Variants in PTGDR observed in about 807,000 individuals in gnomAD.
The protein encoded by PTGDR is prostaglandin D2 receptor.
A neutral mutation model predicts 17.4 loss-of-function variants in PTGDR; 19 were observed. The observed-to-expected ratio is 1.09, with a 90% confidence interval of 0.76 to 1.60. The LOEUF is 1.60. Among genes scored for constraint, PTGDR ranks in the 40% most tolerant of loss-of-function variants. The pLI is 0.00. For missense variants in PTGDR, 526 were observed against 481.9 expected (o/e 1.09, Z -0.86); for synonymous variants, 267 against 224.2 (o/e 1.19, Z -1.71).
intron 1 of PTGDR, among the ~76,000 whole-genome samples, chr14:52,272,179 T>C (rs576133277): frequency 9.8e-4 from 149 of 152,266 alleles, no homozygotes; most frequent in Admixed American, 2.8e-3. Flanking sequence ...ATTAGAAATG[T>C]ATTGTTCATT....
chr14:52,273,235 A>G (rs41312476), intron 1 of PTGDR, among the ~76,000 whole-genome samples: 1 of 151,180 alleles, frequency 6.6e-6, no homozygotes, highest in South Asian at 2.1e-4. Flanking sequence ...CTGGTCTCGA[A>G]CTCCTGACCT....
intron 1 of PTGDR, chr14:52,269,676 A>C (rs2033288360): frequency 1.3e-6 from 1 of 751,364 alleles, no homozygotes. Context: ...ATTACTTTCA[A>C]TGGTGAATGA....
At chr14:52,274,290 T>C (rs1198939650) in intron 1 of PTGDR, among the ~76,000 whole-genome samples, 1 of 152,156 alleles carries the variant, frequency 6.6e-6, no homozygotes, top group Non-Finnish European at 1.5e-5. Flanking sequence ...CTGAGAGAAC[T>C]AATAGGAGAA....
chr14:52,269,549 T>C, intron 1 of PTGDR: 1 of 1,523,896 alleles, frequency 6.6e-7, no homozygotes, highest in Non-Finnish European at 8.8e-7. Context: ...AAGGTACCTG[T>C]TCAACAAAAA....
At position 52,268,187 on chromosome 14, in the gene PTGDR, G is replaced by T. The variant is rs748494023; in HGVS notation, c.373G>T (p.Ala125Ser). The change falls in exon 1 of 2, where the codon GCC becomes TCC. Residue 125 changes from alanine (A) to serine (S), a missense_variant. Coordinates refer to ENST00000306051, the MANE Select transcript of PTGDR (RefSeq NM_000953.3). ...FGLSSTLQLL[A>S]MALECWLSLG... ...GCTCTCCTCGACACTGCAACTCCTG[G>T]CCATGGCACTGGAGTGCTGGCTCTC... 6 of 1,614,112 alleles carry T rather than the reference G, an allele frequency of 3.7e-6. No individual in the cohort carries two copies. Among genetic ancestry groups the T allele is most frequent in the South Asian group, 1.1e-5 (1 of 91,082 alleles).
At chr14:52,269,441 C>T in intron 1 of PTGDR, 1 of 1,520,712 alleles carries the variant, frequency 6.6e-7, no homozygotes, top group Non-Finnish European at 8.8e-7. Context: ...ATTATCTCCT[C>T]ATTTTGAAGG....
chr14:52,270,789 C>T (rs2033310373), intron 1 of PTGDR, among the ~76,000 whole-genome samples: 1 of 152,088 alleles, frequency 6.6e-6, no homozygotes, highest in Non-Finnish European at 1.5e-5. Context: ...AAATTTTGAC[C>T]TGAGTTTGAA....
At chr14:52,279,043 T>C (rs1170592674), downstream of PTGDR, among the ~76,000 whole-genome samples, 2 of 152,214 alleles carry the variant, frequency 1.3e-5, no homozygotes, top group African/African-American at 2.4e-5. Flanking sequence ...CCTTGAGGAC[T>C]AGATAGTCAC....
chr14:52,272,083 C>T (rs1049943989), intron 1 of PTGDR, among the ~76,000 whole-genome samples: 4 of 152,110 alleles, frequency 2.6e-5, no homozygotes, highest in Admixed American at 1.3e-4. Context: ...ATGATACTAG[C>T]ATAATTAAAA....
At position 52,268,667 on chromosome 14, in the gene PTGDR, C is replaced by T. The variant is rs201182427; in HGVS notation, c.846+7C>T. 10 of 1,553,032 alleles carry T rather than the reference C, an allele frequency of 6.4e-6. No individual in the cohort carries two copies. Among genetic ancestry groups the T allele is most frequent in the Non-Finnish European group, 8.7e-6 (10 of 1,147,944 alleles). ...GTGTTCTCTGCCCGTAATTGTGAGTCCCCGGGCCCCGAGGCAGCAGGGCAC... is the reference window on the plus strand; with the variant it reads ...GTGTTCTCTGCCCGTAATTGTGAGTTCCCGGGCCCCGAGGCAGCAGGGCAC... On this transcript the variant is annotated splice_region_variant and intron_variant, in intron 1 of 1. Transcript: ENST00000306051.
chr14:52,269,463 G>A (rs2033283830), intron 1 of PTGDR: 1 of 1,534,250 alleles, frequency 6.5e-7, no homozygotes, highest in Non-Finnish European at 8.7e-7. Context: ...ATTTGTTCCT[G>A]GAGTCCCCGC....
At chr14:52,279,236 C>T (rs1466406540), downstream of PTGDR, among the ~76,000 whole-genome samples, 1 of 152,168 alleles carries the variant, frequency 6.6e-6, no homozygotes, top group Non-Finnish European at 1.5e-5. Flanking sequence ...AGAATGTTCT[C>T]ATATCACCAT....
At chr14:52,268,704 G>A (rs200847949) in intron 1 of PTGDR, 44 bp downstream of exon 1, 95 of 1,513,884 alleles carry the variant, frequency 6.3e-5, no homozygotes, top group Admixed American at 1.5e-4. Context: ...GAGACTGTCC[G>A]GCCGCGGATG....
intron 1 of PTGDR, among the ~76,000 whole-genome samples, chr14:52,272,526 G>C (rs2033340862): frequency 1.3e-5 from 2 of 152,002 alleles, no homozygotes; most frequent in South Asian, 2.1e-4. Flanking sequence ...GAAAGAATTG[G>C]TGTGAGAAGA....
chr14:52,268,108 C>T lies in PTGDR; in HGVS notation c.294C>T (p.Pro98=), dbSNP rs769441347. The change falls in exon 1 of 2, where the codon CCC becomes CCT. Residue 98 remains proline (P), a synonymous_variant. Coordinates refer to ENST00000306051, the MANE Select transcript of PTGDR (RefSeq NM_000953.3). ...AQNRSLRVLA[P]ALDNSLCQAF... is the part of the protein sequence containing the mutation. Reference sequence around the variant, plus strand: ...ACCGGAGTCTGCGGGTGCTTGCGCCCGCATTGGACAACTCGTTGTGCCAAG... The same window carrying T: ...ACCGGAGTCTGCGGGTGCTTGCGCCTGCATTGGACAACTCGTTGTGCCAAG... The T allele has an allele frequency of 3.7e-6, 6 of 1,613,922 alleles. No homozygotes were observed. In the African/African-American group the frequency reaches 5.3e-5, roughly 14 times the overall value.
At chr14:52,280,395 A>T (rs1015570898), downstream of PTGDR, among the ~76,000 whole-genome samples, 2 of 152,196 alleles carry the variant, frequency 1.3e-5, no homozygotes, top group Non-Finnish European at 2.9e-5. Context: ...CCCCAAACTC[A>T]CTAAACCAAA....
In PTGDR at chr14:52,268,262, G is replaced by A. The variant is rs756509372; in HGVS notation, c.448G>A (p.Ala150Thr). 2.5e-6 allele frequency: 4 copies of A among 1,613,992 alleles called. No homozygotes were observed. The highest frequency in any genetic ancestry group is 2.2e-5 in the South Asian group (2 of 91,086). The stretch of plus-strand genomic sequence containing the variant: ...ACGGCACATCACCCTGCGCCTGGGC[G>A]CACTGGTGGCCCCGGTGGTGAGCGC... Reference protein sequence around the residue: ...YRRHITLRLGALVAPVVSAFS... With the variant: ...YRRHITLRLGTLVAPVVSAFS... Residue 150 changes from alanine to threonine, a missense_variant, in exon 1 of 2, where the codon GCA becomes ACA. Coordinates refer to ENST00000306051, the MANE Select transcript of PTGDR (RefSeq NM_000953.3).
intron 1 of PTGDR, among the ~76,000 whole-genome samples, chr14:52,273,068 A>G (rs2033351630): frequency 6.6e-6 from 1 of 152,312 alleles, no homozygotes; most frequent in African/African-American, 2.4e-5. Context: ...GCTGGAGTAC[A>G]ATGGCACAAT....
intron 1 of PTGDR, among the ~76,000 whole-genome samples, chr14:52,273,857 A>G (rs940011374): frequency 2.0e-5 from 3 of 152,192 alleles, no homozygotes; most frequent in Admixed American, 2.0e-4. Context: ...GGAAAAAAGA[A>G]AAAAGTGGCC....
Sources: gnomAD v4.1 joint callset for allele counts (sites outside exome capture counted in the v4.1 genomes callset) on GRCh38, gnomAD v4.1.1 for gene constraint, MANE v1.5 for transcripts, NCBI Gene and HGNC (gene_info 2026-07-23, HGNC 2026-07-21) for gene names.